Variants in EMCN observed in about 807,000 individuals in gnomAD.
EMCN encodes endomucin, also known as MUC-14.
A neutral mutation model predicts 38.4 loss-of-function variants in EMCN; 37 were observed. The observed-to-expected ratio is 0.96, with a 90% CI of 0.74 to 1.27. The LOEUF (loss-of-function observed/expected upper bound fraction) is 1.27. Among genes scored for constraint, EMCN ranks in the 50% most tolerant of loss-of-function variants. The pLI, the probability that EMCN is intolerant of heterozygous loss-of-function variation, is 0.00. For missense variants in EMCN, 318 were observed against 302.8 expected (o/e 1.05, Z -0.37); for synonymous variants, 95 against 100.8 (o/e 0.94, Z 0.35).
At chr4:100,491,838 T>G (rs989186041) in intron 1 of EMCN, among the ~76,000 whole-genome samples, 3 of 152,210 alleles carry the variant, frequency 2.0e-5, no homozygotes, top group Non-Finnish European at 2.9e-5. Flanking sequence ...AAGCAGGCTC[T>G]CTCTGACCAG....
At chr4:100,442,974 C>T (rs1485289704) in intron 5 of EMCN, among the ~76,000 whole-genome samples, 1 of 152,136 alleles carries the variant, frequency 6.6e-6, no homozygotes, top group African/African-American at 2.4e-5. Context: ...CTCAGCCTCC[C>T]AAGTAGCTGG....
intron 11 of EMCN, among the ~76,000 whole-genome samples, chr4:100,399,524 A>G (rs766724694): frequency 2.0e-5 from 3 of 152,160 alleles, no homozygotes; most frequent in Non-Finnish European, 4.4e-5. Flanking sequence ...ATCCATGTCA[A>G]GTCTTAGGAT....
At chr4:100,488,179 A>T (rs1483716389) in intron 1 of EMCN, among the ~76,000 whole-genome samples, 1 of 152,208 alleles carries the variant, frequency 6.6e-6, no homozygotes, top group Non-Finnish European at 1.5e-5. Context: ...CAACTGTGAA[A>T]CTGTATTACA....
intron 4 of EMCN, among the ~76,000 whole-genome samples, chr4:100,457,676 T>G (rs1284837658): frequency 6.6e-6 from 1 of 152,196 alleles, no homozygotes; most frequent in African/African-American, 2.4e-5. Context: ...CTAATCCTCT[T>G]AATGTGTTAT....
At position 100,421,373 on chromosome 4, in the gene EMCN, A is replaced by C. The variant is rs1726882934; in HGVS notation, c.573T>G (p.Ile191Met). ...TSATSRSYSSIILPVVIALIV... is the reference protein window; with the variant it reads ...TSATSRSYSSMILPVVIALIV... ...TCAAAGCAATAACCACCGGCAAAAT[A>C]ATACCTAAAAAGAATTGGAGACATT... The change falls in exon 8 of 12, where the codon ATT (isoleucine) becomes ATG (methionine). Residue 191 changes from isoleucine (I) to methionine (M), a missense_variant. Ile to Met is a conservative substitution (Grantham distance 10). Transcript: ENST00000296420. 6.2e-7 allele frequency: 1 copy of C among 1,611,434 alleles called. No individual in the cohort carries two copies. The highest frequency in any genetic ancestry group is 8.5e-7 in the Non-Finnish European group (1 of 1,178,052).
chr4:100,475,803 G>A lies in EMCN; in HGVS notation c.188-694C>T, dbSNP rs375494223. Among the ~76,000 whole-genome samples the A allele has an allele frequency of 1.5e-4, 22 of 149,978 alleles. No individual in the cohort carries two copies. The East Asian group carries it at 2.8e-3, about 19-fold the overall frequency. ...CGCCATTCTCCTGCCTCAGCCTCCC[G>A]AGTAGATGGGACTACAGGCGCCCGC... On this transcript the variant is annotated intron_variant, in intron 2 of 11. Coordinates refer to ENST00000296420, the MANE Select transcript of EMCN (RefSeq NM_016242.4).
At chr4:100,470,155 C>G (rs1470494402) in intron 3 of EMCN, among the ~76,000 whole-genome samples, 1 of 151,834 alleles carries the variant, frequency 6.6e-6, no homozygotes, top group African/African-American at 2.4e-5. Context: ...CAACAAAAGT[C>G]TAATATTCCG....
chr4:100,464,061 T>C (rs1728251899), intron 4 of EMCN, among the ~76,000 whole-genome samples: 1 of 152,004 alleles, frequency 6.6e-6, no homozygotes, highest in African/African-American at 2.4e-5. Context: ...GTAATGTATC[T>C]TTAGATATTT....
At chr4:100,400,687 G>A (rs1191604241) in intron 11 of EMCN, among the ~76,000 whole-genome samples, 1 of 152,008 alleles carries the variant, frequency 6.6e-6, no homozygotes, top group Non-Finnish European at 1.5e-5. Context: ...TAGTTCAACT[G>A]GTAAACATCT....
chr4:100,473,023 T>A (rs184651670), intron 3 of EMCN, among the ~76,000 whole-genome samples: 4,264 of 77,590 alleles, frequency 0.055, 179 homozygotes, highest in African/African-American at 0.12. Context: ...ATATATATAT[T>A]TTTTTTTTTT....
At chr4:100,400,359 TTTTTTTG>T (rs1277225364) in intron 11 of EMCN, among the ~76,000 whole-genome samples, 1 of 147,146 alleles carries the variant, frequency 6.8e-6, no homozygotes, top group Non-Finnish European at 1.5e-5. Flanking sequence ...CCACATTTTT[TTTTTTTG>T]TTTTTTGTTT....
rs1450264355 is a variant in EMCN, at chr4:100,445,963, A to T, written c.415+1570T>A. 3 of 650,024 alleles carry T rather than the reference A, an allele frequency of 4.6e-6. No homozygotes were observed. The Admixed American group carries it at 1.9e-4, about 41-fold the overall frequency. The allele number at this position is 650,024 out of a possible 1,614,324, so 40.3% of individuals were successfully genotyped here. On this transcript the variant is annotated intron_variant, in intron 5 of 11. Transcript: ENST00000296420. Reference sequence around the variant, plus strand: ...AGTTTACATAACTCGAAAAATAAAAATAGCCTAAATGAGCTTTTGTTCCAC... The same window carrying T: ...AGTTTACATAACTCGAAAAATAAAATTAGCCTAAATGAGCTTTTGTTCCAC...
At chr4:100,417,965 T>C (rs1726782806) in intron 8 of EMCN, among the ~76,000 whole-genome samples, 1 of 152,214 alleles carries the variant, frequency 6.6e-6, no homozygotes. Flanking sequence ...AATCTTGTCA[T>C]TGAGTATGCC....
Position 100,486,803 on chromosome 4 carries a change from T to C in EMCN, c.65-6764A>G, listed in dbSNP as rs967341659. On this transcript the variant is annotated intron_variant, in intron 1 of 11. Transcript: ENST00000296420. Reference sequence around the variant, plus strand: ...TATCTGCAAAATGGACCCAAGAACCTGAGATGTCCTGGCTGACAAATGGAT... The same window carrying C: ...TATCTGCAAAATGGACCCAAGAACCCGAGATGTCCTGGCTGACAAATGGAT... 4 of 934,738 alleles carry C rather than the reference T, an allele frequency of 4.3e-6. No individual in the cohort carries two copies. The South Asian group carries it at 2.0e-4, about 46-fold the overall frequency. The allele number at this position is 934,738 out of a possible 1,614,324, so 57.9% of individuals were successfully genotyped here.
intron 3 of EMCN, among the ~76,000 whole-genome samples, chr4:100,473,142 G>A (rs1728525264): frequency 6.7e-6 from 1 of 149,618 alleles, no homozygotes; most frequent in Admixed American, 6.7e-5. Context: ...AGCCTCCCGG[G>A]TAGCTGGGAT....
chr4:100,516,765 C>T (rs1729769836), intron 1 of EMCN, among the ~76,000 whole-genome samples: 2 of 152,062 alleles, frequency 1.3e-5, no homozygotes, highest in African/African-American at 2.4e-5. Flanking sequence ...TACTTATTTT[C>T]TTCCGACATT....
At chr4:100,506,771 G>A (rs1729490044) in intron 1 of EMCN, among the ~76,000 whole-genome samples, 1 of 152,178 alleles carries the variant, frequency 6.6e-6, no homozygotes, top group African/African-American at 2.4e-5. Context: ...AATTCTGGAA[G>A]ATAGACTGCT....
intron 5 of EMCN, among the ~76,000 whole-genome samples, chr4:100,423,683 A>T (rs1473750887): frequency 6.6e-6 from 1 of 152,156 alleles, no homozygotes; most frequent in Non-Finnish European, 1.5e-5. Flanking sequence ...TACAGCCTGT[A>T]TAACCTACTG....
chr4:100,517,980 C>A lies in EMCN; in HGVS notation c.-66G>T. On this transcript the variant is annotated 5_prime_UTR_variant, in exon 1 of 12. In the 5' UTR this introduces an upstream ATG that the reference lacks. Transcript: ENST00000296420. ...CAGGCAGGGACAATTCCCTCCCAGCCTGGCAGGGCCTTATTAGCAAATGGA... is the reference window on the plus strand; with the variant it reads ...CAGGCAGGGACAATTCCCTCCCAGCATGGCAGGGCCTTATTAGCAAATGGA... 2 of 1,500,002 alleles carry A rather than the reference C, an allele frequency of 1.3e-6. No individual in the cohort carries two copies. Among genetic ancestry groups the A allele is most frequent in the Non-Finnish European group, 9.3e-7 (1 of 1,076,720 alleles). The allele number at this position is 1,500,002 out of a possible 1,614,324, so 92.9% of individuals were successfully genotyped here. A position where few individuals can be genotyped will look rare whatever the true frequency, so the allele number is the denominator to read the frequency against.
Sources: gnomAD v4.1 joint callset for allele counts (sites outside exome capture counted in the v4.1 genomes callset) on GRCh38, gnomAD v4.1.1 for gene constraint, MANE v1.5 for transcripts, NCBI Gene and HGNC (gene_info 2026-07-23, HGNC 2026-07-21) for gene names.